SLC44A5: variants seen among roughly 807,000 people sequenced by gnomAD.
SLC44A5 encodes the protein solute carrier family 44 member 5, also known as choline transporter-like protein 5.
Under a neutral mutation model 101.8 loss-of-function variants are expected in SLC44A5, and 57 were observed. The observed-to-expected ratio is 0.56, with a 90% CI of 0.45 to 0.70. The LOEUF (loss-of-function observed/expected upper bound fraction) is 0.70, where lower values mean the gene tolerates loss of function less well. SLC44A5 is among the 30% of genes least tolerant of loss of function. The probability of loss-of-function intolerance (pLI) is 0.00; values close to 1 mark genes in which losing one functional copy is unlikely to be tolerated. For missense variants in SLC44A5, 737 were observed against 853.1 expected (o/e 0.86, Z 1.70); for synonymous variants, 281 against 290.9 (o/e 0.97, Z 0.35).
rs12132681 is a variant in SLC44A5 at position 75,476,460 on chromosome 1, C to T, written c.13+64975G>A. On this transcript the variant is annotated intron_variant, in intron 2 of 23. Transcript: ENST00000370859. The stretch of plus-strand genomic sequence containing the variant: ...AAGCAGGGCGAGGCATTGCCTCACT[C>T]GGGAAGTGCAAGGGGTCAGGGAGTT... Among the ~76,000 whole-genome samples, 335 of 152,296 alleles carry T rather than the reference C, an allele frequency of 2.2e-3. 4 individuals carry two copies. The East Asian group carries it at 0.046, about 21-fold the overall frequency.
intron 18 of SLC44A5, 37 bp from the exon 19 acceptor site, chr1:75,215,894 G>T: frequency 9.0e-7 from 1 of 1,108,292 alleles, no homozygotes; most frequent in Non-Finnish European, 1.4e-6. Flanking sequence ...TTAATGATTT[G>T]CAGCTGAACC....
intron 2 of SLC44A5, among the ~76,000 whole-genome samples, chr1:75,482,433 A>C (rs1395257108): frequency 6.6e-6 from 1 of 151,974 alleles, no homozygotes; most frequent in Non-Finnish European, 1.5e-5. Context: ...TAATAAAATA[A>C]AAAATAAAAA....
At chr1:75,501,631 G>T (rs1184225444) in intron 2 of SLC44A5, among the ~76,000 whole-genome samples, 1 of 152,118 alleles carries the variant, frequency 6.6e-6, no homozygotes, top group African/African-American at 2.4e-5. Context: ...AAACCTTGCA[G>T]TCATGAATTT....
intron 12 of SLC44A5, among the ~76,000 whole-genome samples, chr1:75,231,537 TCTGGA>T (rs1247061575): frequency 6.6e-6 from 1 of 152,168 alleles, no homozygotes; most frequent in Non-Finnish European, 1.5e-5. Context: ...AATTATGATC[TCTGGA>T]CTTCAAGTCC....
At chr1:75,281,471 A>C (rs1652546754) in intron 5 of SLC44A5, among the ~76,000 whole-genome samples, 1 of 152,004 alleles carries the variant, frequency 6.6e-6, no homozygotes, top group Non-Finnish European at 1.5e-5. Flanking sequence ...CTGGGGAGAA[A>C]TTCAAGCCTG....
chr1:75,622,022 T>TAA, the SLC44A5 span, among the ~76,000 whole-genome samples: 1 of 152,128 alleles, frequency 6.6e-6, no homozygotes, highest in African/African-American at 2.4e-5. Flanking sequence ...ATACTTACTA[T>TAA]AATAAAATTT....
At chr1:75,318,041 T>C (rs1433588816) in intron 4 of SLC44A5, among the ~76,000 whole-genome samples, 1 of 152,138 alleles carries the variant, frequency 6.6e-6, no homozygotes, top group Non-Finnish European at 1.5e-5. Flanking sequence ...TTGCATACAG[T>C]AAACCTCTTT....
At chr1:75,374,292 C>T (rs1398115222) in intron 3 of SLC44A5, among the ~76,000 whole-genome samples, 1 of 152,202 alleles carries the variant, frequency 6.6e-6, no homozygotes, top group Non-Finnish European at 1.5e-5. Context: ...ATCCTCCACT[C>T]TTGACCCACT....
At chr1:75,396,676 G>C in intron 2 of SLC44A5, 55 bp from the exon 3 acceptor site, 2 of 1,329,986 alleles carry the variant, frequency 1.5e-6, no homozygotes, top group African/African-American at 2.9e-5. Context: ...ATGACTCTGA[G>C]GTTCTATACA....
chr1:75,247,723 AT>A (rs1321414068), intron 7 of SLC44A5, among the ~76,000 whole-genome samples: 1 of 152,060 alleles, frequency 6.6e-6, no homozygotes, highest in African/African-American at 2.4e-5. Context: ...TGAAAAAGGT[AT>A]TTTAAGGAGG....
chr1:75,560,237 T>C (rs771611900), intron 1 of SLC44A5, among the ~76,000 whole-genome samples: 1 of 152,192 alleles, frequency 6.6e-6, no homozygotes, highest in Non-Finnish European at 1.5e-5. Flanking sequence ...ACAAATATGT[T>C]TGTAGCTACG....
intron 2 of SLC44A5, among the ~76,000 whole-genome samples, chr1:75,520,729 T>C (rs1261925995): frequency 1.3e-5 from 2 of 152,130 alleles, no homozygotes; most frequent in Non-Finnish European, 2.9e-5. Context: ...TAAGTTAAAA[T>C]AGCATCATGA....
the SLC44A5 span, among the ~76,000 whole-genome samples, chr1:75,684,131 T>G: frequency 3.3e-5 from 5 of 152,154 alleles, no homozygotes; most frequent in African/African-American, 1.2e-4. Context: ...GAACACTCAT[T>G]TATAAAACCA....
intron 2 of SLC44A5, among the ~76,000 whole-genome samples, chr1:75,470,589 G>A (rs1445952007): frequency 1.3e-5 from 2 of 152,176 alleles, no homozygotes; most frequent in Admixed American, 1.3e-4. Context: ...CCAGACGTGA[G>A]GGGGAGGGAA....
At chr1:75,206,828 G>C in intron 23 of SLC44A5, 1 of 664,418 alleles carries the variant, frequency 1.5e-6, no homozygotes, top group Non-Finnish European at 2.6e-6. Context: ...ATCAGTGTTA[G>C]AAAGTCAAAT....
chr1:75,683,296 C>T, the SLC44A5 span, among the ~76,000 whole-genome samples: 6 of 152,098 alleles, frequency 3.9e-5, no homozygotes, highest in African/African-American at 1.4e-4. Context: ...GCTATAAAGA[C>T]ACATGCATAC....
chr1:75,359,218 C>T (rs1659304481), intron 3 of SLC44A5, among the ~76,000 whole-genome samples: 1 of 147,618 alleles, frequency 6.8e-6, no homozygotes, highest in African/African-American at 2.5e-5. Flanking sequence ...TGTATATATG[C>T]CATTTTCTTT....
chr1:75,683,400 T>C, the SLC44A5 span, among the ~76,000 whole-genome samples: 3 of 152,032 alleles, frequency 2.0e-5, no homozygotes, highest in East Asian at 3.9e-4. Flanking sequence ...ATGTGGCACA[T>C]ATACACCATG....
chr1:75,264,822 TAACAA>T (rs1477066315), intron 6 of SLC44A5, among the ~76,000 whole-genome samples: 1 of 151,548 alleles, frequency 6.6e-6, no homozygotes, highest in African/African-American at 2.4e-5. Context: ...TGGAAACAAT[TAACAA>T]AACAAAGTTT....
Sources: allele counts gnomAD v4.1 joint callset (sites outside exome capture counted in the v4.1 genomes callset), GRCh38; gene constraint gnomAD v4.1.1; transcripts MANE v1.5; gene names NCBI Gene and HGNC (gene_info 2026-07-23, HGNC 2026-07-21).